Variants in RAP1GDS1 observed in about 807,000 individuals in gnomAD.
RAP1GDS1 encodes RAP1, GTP-GDP dissociation stimulator 1.
A neutral mutation model predicts 71.1 loss-of-function variants in RAP1GDS1; 35 were observed. The observed-to-expected ratio is 0.49, with a 90% CI of 0.38 to 0.65. RAP1GDS1 has a LOEUF of 0.65. Ranked by LOEUF, RAP1GDS1 falls within the 30% of genes least tolerant of loss-of-function variation. RAP1GDS1 has a pLI of 0.00. For synonymous variants in RAP1GDS1, 229 were observed against 243.1 expected, an observed-to-expected ratio of 0.94 and a Z score of 0.54; for missense variants, 663 against 706.1, an observed-to-expected ratio of 0.94 and a Z score of 0.69.
At chr4:98,313,332 A>G (rs1730532850) in intron 2 of RAP1GDS1, among the ~76,000 whole-genome samples, 1 of 152,190 alleles carries the variant, frequency 6.6e-6, no homozygotes, top group African/African-American at 2.4e-5. Flanking sequence ...ACTGATTTAA[A>G]TGTTCATCTT....
rs533475399 is a variant in RAP1GDS1, at chr4:98,323,088, A to G, written c.113-20051A>G. Among the ~76,000 whole-genome samples, 18 of 151,622 alleles carry G rather than the reference A, an allele frequency of 1.2e-4. No individual in the cohort carries two copies. The South Asian group carries it at 3.8e-3, about 32-fold the overall frequency. On this transcript the variant is annotated intron_variant, in intron 2 of 14. Coordinates refer to ENST00000408927, the MANE Select transcript of RAP1GDS1 (RefSeq NM_001100427.2). ...GACACAATAAAAAATGATAAAGGGG[A>G]TATCACCACCGATCCCACAGAAATA...
chr4:98,340,772 C>T (rs1353882455), intron 2 of RAP1GDS1, among the ~76,000 whole-genome samples: 2 of 151,582 alleles, frequency 1.3e-5, no homozygotes, highest in Admixed American at 6.6e-5. Context: ...TATATATTCA[C>T]ATATATGTAT....
At chr4:98,438,856 C>T (rs928177099) in intron 14 of RAP1GDS1, among the ~76,000 whole-genome samples, 1 of 151,956 alleles carries the variant, frequency 6.6e-6, no homozygotes, top group Non-Finnish European at 1.5e-5. Context: ...CTGCCTTGGC[C>T]TCCCAAAGTG....
At chr4:98,364,122 G>C (rs555083965) in intron 4 of RAP1GDS1, among the ~76,000 whole-genome samples, 1 of 152,018 alleles carries the variant, frequency 6.6e-6, no homozygotes, top group Non-Finnish European at 1.5e-5. Flanking sequence ...GCACATAGGC[G>C]ATTTCTATAT....
At chr4:98,342,959 A>T (rs948394524) in intron 2 of RAP1GDS1, among the ~76,000 whole-genome samples, 180 bp from the exon 3 acceptor site, 6 of 119,742 alleles carry the variant, frequency 5.0e-5, no homozygotes, top group African/African-American at 1.7e-4. Context: ...ATTAAAACTC[A>T]AAATAAAAGC....
intron 7 of RAP1GDS1, among the ~76,000 whole-genome samples, chr4:98,412,413 G>T (rs1193636250): frequency 6.6e-6 from 1 of 152,148 alleles, no homozygotes; most frequent in Non-Finnish European, 1.5e-5. Flanking sequence ...TACTCAGGAG[G>T]CTGAGATAGG....
At chr4:98,418,056 A>C (rs1407254759) in intron 9 of RAP1GDS1, among the ~76,000 whole-genome samples, 1 of 152,140 alleles carries the variant, frequency 6.6e-6, no homozygotes, top group Non-Finnish European at 1.5e-5. Context: ...TAGGAAATAC[A>C]GTTTATTTTT....
intron 2 of RAP1GDS1, among the ~76,000 whole-genome samples, chr4:98,296,242 G>T (rs991722703): frequency 6.6e-6 from 1 of 152,050 alleles, no homozygotes; most frequent in Non-Finnish European, 1.5e-5. Flanking sequence ...CTATTACCCT[G>T]TTACTGGAAA....
chr4:98,340,329 T>C (rs1351045490), intron 2 of RAP1GDS1, among the ~76,000 whole-genome samples: 1 of 152,144 alleles, frequency 6.6e-6, no homozygotes, highest in Non-Finnish European at 1.5e-5. Context: ...GAATACTACA[T>C]AGTCATAAAA....
intron 1 of RAP1GDS1, among the ~76,000 whole-genome samples, chr4:98,286,924 A>G (rs1166718455): frequency 1.3e-5 from 2 of 151,440 alleles, no homozygotes; most frequent in African/African-American, 4.8e-5. Flanking sequence ...TGAATGAAAA[A>G]TTACTGCTTA....
chr4:98,272,545 T>C (rs1008875302), intron 1 of RAP1GDS1, among the ~76,000 whole-genome samples: 4 of 152,166 alleles, frequency 2.6e-5, no homozygotes, highest in Admixed American at 2.6e-4. Flanking sequence ...TGGAGAAGAA[T>C]TGGGCCCTTT....
At position 98,346,232 on chromosome 4, in the gene RAP1GDS1, G is replaced by A. The variant is rs562208409; in HGVS notation, c.235+2971G>A. ...GTTCTTCTGTGTACTTTATCATATT[G>A]CAAAGTGTTTATCAAAACTTCCGCC... On this transcript the variant is annotated intron_variant, in intron 3 of 14. Coordinates refer to ENST00000408927, the MANE Select transcript of RAP1GDS1 (RefSeq NM_001100427.2). Among the ~76,000 whole-genome samples the A allele has an allele frequency of 4.6e-5, 7 of 152,140 alleles. No individual in the cohort carries two copies. In the South Asian group the frequency reaches 1.5e-3, roughly 32 times the overall value.
intron 4 of RAP1GDS1, among the ~76,000 whole-genome samples, chr4:98,364,080 T>A (rs1298771929): frequency 6.6e-6 from 1 of 152,136 alleles, no homozygotes; most frequent in Non-Finnish European, 1.5e-5. Flanking sequence ...TTATTAAGTC[T>A]GAGATTCTTC....
chr4:98,333,118 A>C (rs1332694595), intron 2 of RAP1GDS1, among the ~76,000 whole-genome samples: 1 of 152,046 alleles, frequency 6.6e-6, no homozygotes, highest in Non-Finnish European at 1.5e-5. Flanking sequence ...TCATACCTGT[A>C]ATTTTTTTAA....
intron 1 of RAP1GDS1, among the ~76,000 whole-genome samples, chr4:98,272,556 C>T (rs1447104827): frequency 6.6e-6 from 1 of 152,146 alleles, no homozygotes; most frequent in East Asian, 1.9e-4. Context: ...TGGGCCCTTT[C>T]TGTTGACCAG....
intron 12 of RAP1GDS1, among the ~76,000 whole-genome samples, chr4:98,423,367 A>T: frequency 6.6e-6 from 1 of 152,228 alleles, no homozygotes; most frequent in East Asian, 1.9e-4. Flanking sequence ...TAGAACACAG[A>T]GTGTAGAAAG....
Position 98,308,297 on chromosome 4 carries a change from C to CTATATATATATATATA in RAP1GDS1, c.112+14802_112+14817dup, listed in dbSNP as rs779815305. Among the ~76,000 whole-genome samples, 303 of 73,142 alleles carry CTATATATATATATATA rather than the reference C, an allele frequency of 4.1e-3. 8 individuals are homozygous for CTATATATATATATATA. The highest frequency in any genetic ancestry group is 6.4e-3 in the East Asian group (11 of 1,708). 48.0% of individuals were successfully genotyped at this position (73,142 alleles called of 152,430 possible). On this transcript the variant is annotated intron_variant, in intron 2 of 14. Coordinates refer to ENST00000408927, the MANE Select transcript of RAP1GDS1 (RefSeq NM_001100427.2). ...ACACACATATATATACACACACACACTATATATATATATATATATATATAT... is the reference window on the plus strand; with the variant it reads ...ACACACATATATATACACACACACACTATATATATATATATATATATATATATATATATATATATAT...
intron 1 of RAP1GDS1, among the ~76,000 whole-genome samples, chr4:98,275,358 C>G (rs974088839): frequency 6.6e-6 from 1 of 152,096 alleles, no homozygotes; most frequent in Admixed American, 6.6e-5. Context: ...GTGCATCCAG[C>G]AACTGTGTAA....
chr4:98,428,389 G>A (rs1749920191), intron 12 of RAP1GDS1, among the ~76,000 whole-genome samples: 1 of 152,136 alleles, frequency 6.6e-6, no homozygotes, highest in African/African-American at 2.4e-5. Context: ...CATGGCAAAA[G>A]GAACAGTCGG....
Sources: gnomAD v4.1 joint callset for allele counts (sites outside exome capture counted in the v4.1 genomes callset) on GRCh38, gnomAD v4.1.1 for gene constraint, MANE v1.5 for transcripts, NCBI Gene and HGNC (gene_info 2026-07-23, HGNC 2026-07-21) for gene names.